ARMC2: variants seen among roughly 807,000 people sequenced by gnomAD.
ARMC2 encodes the protein armadillo repeat containing 2, also known as armadillo repeat-containing protein 2.
ARMC2 carries 67 observed loss-of-function variants against 90.3 expected under a neutral mutation model. The ratio of observed to expected loss-of-function variants is 0.74; its 90% CI spans 0.61 to 0.91. The LOEUF (loss-of-function observed/expected upper bound fraction) is 0.91. ARMC2 is among the 40% of genes least tolerant of loss of function. The pLI is 0.00. For missense variants in ARMC2, 920 were observed against 1,030.9 expected, an observed-to-expected ratio of 0.89 and a Z score of 1.47; for synonymous variants, 393 against 393.0, an observed-to-expected ratio of 1.00 and a Z score of 0.00.
chr6:109,037,456 C>A, the ARMC2 span, among the ~76,000 whole-genome samples: 1 of 152,048 alleles, frequency 6.6e-6, no homozygotes, highest in Non-Finnish European at 1.5e-5. Context: ...CTGAAATACA[C>A]CAAGATGTTA....
chr6:108,967,028 G>A (rs571114733), intron 17 of ARMC2, among the ~76,000 whole-genome samples: 25 of 152,320 alleles, frequency 1.6e-4, no homozygotes, highest in African/African-American at 4.8e-4. Context: ...CCCCTCAGCC[G>A]TGGGCGTCAT....
chr6:108,898,408 G>A (rs575428184), intron 6 of ARMC2, among the ~76,000 whole-genome samples: 9 of 152,294 alleles, frequency 5.9e-5, no homozygotes, highest in African/African-American at 9.6e-5. Flanking sequence ...ACCCTGCCCC[G>A]AGAGGGCATG....
At chr6:108,866,159 A>G (rs1207026936) in intron 3 of ARMC2, among the ~76,000 whole-genome samples, 1 of 152,176 alleles carries the variant, frequency 6.6e-6, no homozygotes, top group African/African-American at 2.4e-5. Context: ...CAGAATACAG[A>G]CATTTTGAGT....
chr6:108,998,764 G>GAAA, the ARMC2 span: 1 of 1,169,482 alleles, frequency 8.6e-7, no homozygotes, highest in Admixed American at 2.4e-5. Flanking sequence ...CCCTTAGGGG[G>GAAA]AAAAAAAAAA....
At chr6:108,956,415 G>A (rs1777586650) in intron 13 of ARMC2, among the ~76,000 whole-genome samples, 1 of 152,060 alleles carries the variant, frequency 6.6e-6, no homozygotes, top group Admixed American at 6.6e-5. Context: ...AGAGGCAAGA[G>A]GCTGGGCACG....
Position 108,899,684 on chromosome 6 carries a change from T to C in ARMC2, c.749-10T>C, listed in dbSNP as rs750947226. 2.5e-6 allele frequency: 4 copies of C among 1,608,948 alleles called. No individual in the cohort carries two copies. The African/African-American group carries it at 5.3e-5, about 22-fold the overall frequency. ...ATAGCTTTTTCTCCTGCTCTGGATT[T>C]CTTTTGCAGTCCCAAAAGCTGACCT... On this transcript the variant is annotated splice_polypyrimidine_tract_variant and intron_variant, in intron 6 of 17. Transcript: ENST00000392644.
intron 4 of ARMC2, among the ~76,000 whole-genome samples, chr6:108,874,636 T>C (rs1044744053): frequency 1.1e-4 from 16 of 152,084 alleles, no homozygotes; most frequent in Non-Finnish European, 2.9e-5. Flanking sequence ...TCATTTAAAA[T>C]CTCACCACAT....
the ARMC2 span, among the ~76,000 whole-genome samples, chr6:108,991,453 T>C: frequency 6.6e-6 from 1 of 152,192 alleles, no homozygotes; most frequent in Non-Finnish European, 1.5e-5. Flanking sequence ...TTGCTGCCCA[T>C]GCTAGTCTTG....
At chr6:108,887,672 G>A (rs972730116) in intron 5 of ARMC2, among the ~76,000 whole-genome samples, 3 of 152,060 alleles carry the variant, frequency 2.0e-5, no homozygotes, top group African/African-American at 7.2e-5. Flanking sequence ...GTTATTTGTC[G>A]ATCAAGATAT....
intron 8 of ARMC2, chr6:108,907,890 C>T (rs553581150): frequency 3.3e-5 from 53 of 1,601,596 alleles, no homozygotes; most frequent in South Asian, 5.5e-5. Context: ...TCCTGGTGTC[C>T]GCTGTGTTCT....
intron 5 of ARMC2, among the ~76,000 whole-genome samples, chr6:108,892,948 G>A (rs1194964091): frequency 1.3e-5 from 2 of 152,194 alleles, no homozygotes; most frequent in Admixed American, 1.3e-4. Context: ...ACTATCACAT[G>A]TATAAGCCTT....
At chr6:108,864,880 C>T (rs937610317) in intron 3 of ARMC2, among the ~76,000 whole-genome samples, 1 of 152,154 alleles carries the variant, frequency 6.6e-6, no homozygotes, top group African/African-American at 2.4e-5. Flanking sequence ...TGGACTCTAA[C>T]AGGTCCACCA....
intron 5 of ARMC2, among the ~76,000 whole-genome samples, chr6:108,882,755 C>A (rs1409178829): frequency 1.3e-5 from 2 of 151,714 alleles, no homozygotes; most frequent in Non-Finnish European, 2.9e-5. Context: ...TCTTCCTTCA[C>A]TTCCTCTGCT....
the ARMC2 span, among the ~76,000 whole-genome samples, chr6:109,022,096 T>C: frequency 6.6e-5 from 10 of 152,032 alleles, no homozygotes; most frequent in Non-Finnish European, 1.5e-4. Context: ...ACAACATCCA[T>C]ATCTTCTTCC....
the ARMC2 span, among the ~76,000 whole-genome samples, chr6:109,017,508 A>G: frequency 3.3e-5 from 5 of 152,074 alleles, no homozygotes; most frequent in Non-Finnish European, 7.4e-5. Flanking sequence ...GATGGTCTCG[A>G]TCTCCTCACC....
At chr6:108,990,710 T>C in the ARMC2 span, 1 of 1,614,150 alleles carries the variant, frequency 6.2e-7, no homozygotes, top group Non-Finnish European at 8.5e-7. Flanking sequence ...TATCAACATC[T>C]TTGTGCATTG....
the ARMC2 span, among the ~76,000 whole-genome samples, chr6:109,011,715 A>G: frequency 6.7e-6 from 1 of 150,012 alleles, no homozygotes; most frequent in African/African-American, 2.5e-5. Flanking sequence ...TGCAGCCTTG[A>G]CCTCCAGGGC....
At chr6:108,927,756 G>A (rs1359891222) in intron 10 of ARMC2, among the ~76,000 whole-genome samples, 1 of 152,006 alleles carries the variant, frequency 6.6e-6, no homozygotes, top group African/African-American at 2.4e-5. Flanking sequence ...TTTCTAATCT[G>A]CAGAACTGAT....
intron 5 of ARMC2, among the ~76,000 whole-genome samples, chr6:108,892,518 G>A (rs1639762686): frequency 6.6e-6 from 1 of 152,022 alleles, no homozygotes; most frequent in Non-Finnish European, 1.5e-5. Context: ...CCAGCATTTT[G>A]GGAGGCCGAG....
Sources: allele counts gnomAD v4.1 joint callset (sites outside exome capture counted in the v4.1 genomes callset), GRCh38; gene constraint gnomAD v4.1.1; transcripts MANE v1.5; gene names NCBI Gene and HGNC (gene_info 2026-07-23, HGNC 2026-07-21).